Variants in SHCBP1L observed in about 807,000 individuals in gnomAD.
The protein encoded by SHCBP1L is SHC binding and spindle associated 1 like.
A neutral mutation model predicts 62.5 loss-of-function variants in SHCBP1L; 67 were observed. That is an observed-to-expected ratio of 1.07 (90% CI 0.88 to 1.31). The LOEUF is 1.31. SHCBP1L is among the 40% of genes most tolerant of loss of function. The pLI, the probability that SHCBP1L is intolerant of heterozygous loss-of-function variation, is 0.00. For synonymous variants in SHCBP1L, 284 were observed against 289.4 expected (o/e 0.98, Z 0.19); for missense variants, 823 against 809.8 (o/e 1.02, Z -0.20).
intron 5 of SHCBP1L, among the ~76,000 whole-genome samples, chr1:182,936,136 T>G (rs1315304203): frequency 4.3e-5 from 6 of 139,114 alleles, no homozygotes; most frequent in African/African-American, 7.9e-5. Flanking sequence ...TTTTGTTTTT[T>G]TTTTTTTTTT....
At chr1:182,926,710 G>A (rs1360645639) in intron 6 of SHCBP1L, among the ~76,000 whole-genome samples, 3 of 151,946 alleles carry the variant, frequency 2.0e-5, no homozygotes, top group African/African-American at 7.2e-5. Flanking sequence ...ATCAACAAGA[G>A]GATAAAGGCC....
chr1:182,909,437 A>G (rs1220662346), intron 6 of SHCBP1L, among the ~76,000 whole-genome samples: 3 of 152,246 alleles, frequency 2.0e-5, no homozygotes, highest in African/African-American at 4.8e-5. Flanking sequence ...ACTGGCGGAA[A>G]CACAAGATCT....
intron 2 of SHCBP1L, among the ~76,000 whole-genome samples, chr1:182,949,279 TAA>T (rs67081523): frequency 1.4e-5 from 2 of 139,876 alleles, no homozygotes; most frequent in Non-Finnish European, 3.2e-5. Context: ...AAACTTATAC[TAA>T]AAAAAAAAAA....
intron 6 of SHCBP1L, among the ~76,000 whole-genome samples, chr1:182,912,398 G>A (rs1438541148): frequency 6.6e-6 from 1 of 152,220 alleles, no homozygotes; most frequent in African/African-American, 2.4e-5. Flanking sequence ...GGTTCAGAGA[G>A]CCTTCAGAAA....
At chr1:182,932,579 C>T (rs1651042006) in intron 5 of SHCBP1L, among the ~76,000 whole-genome samples, 1 of 152,190 alleles carries the variant, frequency 6.6e-6, no homozygotes, top group African/African-American at 2.4e-5. Context: ...ACTGCAACCT[C>T]TGCCTCCCGG....
At chr1:182,942,331 C>A in intron 2 of SHCBP1L, 2 of 816,040 alleles carry the variant, frequency 2.5e-6, no homozygotes, top group Non-Finnish European at 4.4e-6. Context: ...GCTTAGCTGA[C>A]AACCGCCCCG....
At chr1:182,951,531 T>A in intron 1 of SHCBP1L, 64 bp from the exon 2 acceptor site, 2 of 406,090 alleles carry the variant, frequency 4.9e-6, no homozygotes, top group East Asian at 8.8e-5. Context: ...AACTAAGTGG[T>A]TTTTTTTTTT....
At chr1:182,912,772 C>T (rs533284281) in intron 6 of SHCBP1L, among the ~76,000 whole-genome samples, 4 of 151,986 alleles carry the variant, frequency 2.6e-5, no homozygotes, top group African/African-American at 7.2e-5. Context: ...ATCCACCTGC[C>T]TCGGCCTCCC....
At chr1:182,914,716 CAA>C (rs561888927) in intron 6 of SHCBP1L, among the ~76,000 whole-genome samples, 3 of 150,728 alleles carry the variant, frequency 2.0e-5, no homozygotes, top group Admixed American at 2.0e-4. Context: ...CACTGCGTAA[CAA>C]AAAAAAGATA....
At chr1:182,909,311 T>C (rs957744872) in intron 6 of SHCBP1L, among the ~76,000 whole-genome samples, 1 of 152,168 alleles carries the variant, frequency 6.6e-6, no homozygotes, top group Non-Finnish European at 1.5e-5. Flanking sequence ...CATAAGGTCA[T>C]AGAATTATTT....
intron 7 of SHCBP1L, 120 bp downstream of exon 7, chr1:182,905,376 G>A: frequency 9.6e-7 from 1 of 1,036,494 alleles, no homozygotes; most frequent in East Asian, 2.7e-5. Flanking sequence ...GAACATAAAG[G>A]ATTTTTGTAA....
chr1:182,906,543 C>T (rs886969296), intron 6 of SHCBP1L, among the ~76,000 whole-genome samples: 7 of 151,756 alleles, frequency 4.6e-5, no homozygotes, highest in Admixed American at 6.6e-5. Context: ...CCAATTCTCC[C>T]ACCTCAGCCT....
chr1:182,942,375 C>A (rs1419728304), intron 2 of SHCBP1L: 2 of 753,296 alleles, frequency 2.7e-6, no homozygotes, highest in East Asian at 2.5e-5. Context: ...GCGGCCCCTT[C>A]GGCGGAGCTG....
chr1:182,946,966 G>T (rs2101959116), intron 2 of SHCBP1L, among the ~76,000 whole-genome samples: 1 of 152,312 alleles, frequency 6.6e-6, no homozygotes, highest in Middle Eastern at 3.4e-3. Flanking sequence ...GCTGGGCACG[G>T]TGGCTTACGC....
At position 182,953,149 on chromosome 1, in the gene SHCBP1L, A is replaced by G; in HGVS notation, c.-16T>C. 6.3e-7 allele frequency: 1 copy of G among 1,575,344 alleles called. No homozygotes were observed. Among genetic ancestry groups the G allele is most frequent in the Non-Finnish European group, 8.6e-7 (1 of 1,169,126 alleles). On this transcript the variant is annotated 5_prime_UTR_variant, in exon 1 of 10. Transcript: ENST00000367547. The stretch of plus-strand genomic sequence containing the variant: ...CCGACGCCATCTCCTCAGCAGCCCG[A>G]GGGCCGAGGCAGCCGTTGGCCACTT...
intron 6 of SHCBP1L, among the ~76,000 whole-genome samples, chr1:182,928,427 G>C (rs1251687310): frequency 5.3e-5 from 8 of 152,108 alleles, no homozygotes; most frequent in Non-Finnish European, 1.2e-4. Context: ...CATGATAAAG[G>C]AAAGTGTCAA....
At chr1:182,941,187 A>G (rs556651057) in intron 2 of SHCBP1L, among the ~76,000 whole-genome samples, 1 of 149,078 alleles carries the variant, frequency 6.7e-6, no homozygotes, top group African/African-American at 2.5e-5. Context: ...AAACAAAAGC[A>G]TGTTAAAAAA....
chr1:182,907,240 C>T (rs996978469), intron 6 of SHCBP1L, among the ~76,000 whole-genome samples: 8 of 151,462 alleles, frequency 5.3e-5, no homozygotes, highest in Non-Finnish European at 1.0e-4. Context: ...CGAGACCAGC[C>T]TGACCAACAT....
intron 6 of SHCBP1L, among the ~76,000 whole-genome samples, chr1:182,906,779 A>G (rs571994262): frequency 6.6e-6 from 1 of 152,216 alleles, no homozygotes; most frequent in Non-Finnish European, 1.5e-5. Flanking sequence ...AGTAGAAAAG[A>G]GGAGATAAAT....
Sources: allele counts gnomAD v4.1 joint callset (sites outside exome capture counted in the v4.1 genomes callset), GRCh38; gene constraint gnomAD v4.1.1; transcripts MANE v1.5; gene names NCBI Gene and HGNC (gene_info 2026-07-23, HGNC 2026-07-21).